NLN: variants seen among roughly 807,000 people sequenced by gnomAD.
The protein encoded by NLN is neurolysin, mitochondrial.
In NLN, 64 loss-of-function variants were observed where a neutral mutation model predicts 79.9. The ratio of observed to expected loss-of-function variants is 0.80; its 90% CI spans 0.65 to 0.99. NLN has a LOEUF of 0.99. NLN is among the 50% of genes least tolerant of loss of function. The pLI is 0.00. For missense variants in NLN, 835 were observed against 858.7 expected (o/e 0.97, Z 0.34); for synonymous variants, 267 against 296.6 (o/e 0.90, Z 1.02).
rs1374894100 is a variant in NLN at position 65,774,937 on chromosome 5, C to T, written c.451-2490C>T. Among the ~76,000 whole-genome samples, 6 of 152,060 alleles carry T rather than the reference C, an allele frequency of 3.9e-5. No individual in the cohort carries two copies. In the East Asian group the frequency reaches 1.2e-3, roughly 29 times the overall value. ...ACGGGGTTTTGCTATGTTGGCCATG[C>T]TGGTCTCGAACCCCTCACCTCAAGT... is the stretch of plus-strand genomic sequence containing the variant. On this transcript the variant is annotated intron_variant, in intron 3 of 12. Transcript: ENST00000380985.
Position 65,778,331 on chromosome 5 carries a change from G to T in NLN, c.558+797G>T, listed in dbSNP as rs73765103. Among the ~76,000 whole-genome samples, 709 of 152,224 alleles carry T rather than the reference G, an allele frequency of 4.7e-3. 7 individuals carry two copies. The highest frequency in any genetic ancestry group is 0.016 in the African/African-American group (653 of 41,538). On this transcript the variant is annotated intron_variant, in intron 4 of 12. Transcript: ENST00000380985. ...AAATATACTCCATGATTTATTTCCA[G>T]GTCATTCTTCTAGCCAGCAGGACTG...
chr5:65,743,017 C>T (rs1439911388), intron 1 of NLN, among the ~76,000 whole-genome samples: 1 of 152,208 alleles, frequency 6.6e-6, no homozygotes. Flanking sequence ...ATGCTGAACA[C>T]ATTCTTCCAC....
chr5:65,779,769 C>G (rs1759758419), intron 4 of NLN, among the ~76,000 whole-genome samples: 1 of 152,210 alleles, frequency 6.6e-6, no homozygotes, highest in Non-Finnish European at 1.5e-5. Flanking sequence ...GTGCTACACA[C>G]AGATACACGT....
intron 11 of NLN, among the ~76,000 whole-genome samples, chr5:65,811,715 A>C (rs561884046): frequency 6.6e-6 from 1 of 152,066 alleles, no homozygotes; most frequent in South Asian, 2.1e-4. Context: ...CGAGCTACTC[A>C]GGAGGCTGAG....
At chr5:65,779,205 C>T (rs1489594928) in intron 4 of NLN, among the ~76,000 whole-genome samples, 1 of 152,090 alleles carries the variant, frequency 6.6e-6, no homozygotes, top group African/African-American at 2.4e-5. Context: ...TAAGAGTTTG[C>T]ACTTCAGTAG....
At chr5:65,748,765 G>A (rs1579920463) in intron 1 of NLN, among the ~76,000 whole-genome samples, 1 of 152,100 alleles carries the variant, frequency 6.6e-6, no homozygotes, top group Non-Finnish European at 1.5e-5. Flanking sequence ...AAAGAAAAGA[G>A]AGAAAAAAGA....
Sources: gnomAD v4.1 joint callset for allele counts (sites outside exome capture counted in the v4.1 genomes callset) on GRCh38, gnomAD v4.1.1 for gene constraint, MANE v1.5 for transcripts, NCBI Gene and HGNC (gene_info 2026-07-23, HGNC 2026-07-21) for gene names.